The following DLG2 variants were observed in gnomAD, a reference collection of about 807,000 sequenced individuals.
The protein encoded by DLG2 is disks large homolog 2.
In DLG2, 45 loss-of-function variants were observed where a neutral mutation model predicts 132.5. That is an observed-to-expected ratio of 0.34 (90% confidence interval 0.27 to 0.44). DLG2 has a LOEUF of 0.44. Ranked by LOEUF, DLG2 falls within the 20% of genes least tolerant of loss-of-function variation. The pLI, the probability that DLG2 is intolerant of heterozygous loss-of-function variation, is 1.00. For synonymous variants in DLG2, 424 were observed against 419.6 expected (o/e 1.01, Z -0.13); for missense variants, 1,045 against 1,196.9 (o/e 0.87, Z 1.87).
At chr11:84,519,950 G>A (rs530201085) in intron 7 of DLG2, among the ~76,000 whole-genome samples, 1 of 152,182 alleles carries the variant, frequency 6.6e-6, no homozygotes, top group East Asian at 1.9e-4. Flanking sequence ...CTAGGGAAAG[G>A]GGTCATAGTT....
chr11:85,509,029 A>T (rs76884356), intron 3 of DLG2, among the ~76,000 whole-genome samples: 5,389 of 152,130 alleles, frequency 0.035, 144 homozygotes, highest in Admixed American at 0.053. Context: ...AAATCACAAG[A>T]GTGAATATGG....
chr11:84,020,468 CAT>C (rs766942495), intron 11 of DLG2, among the ~76,000 whole-genome samples: 3 of 152,022 alleles, frequency 2.0e-5, no homozygotes, highest in African/African-American at 7.3e-5. Context: ...TATACACACA[CAT>C]GTAATATTTG....
At chr11:84,549,240 T>C (rs1218701493) in intron 6 of DLG2, among the ~76,000 whole-genome samples, 1 of 152,208 alleles carries the variant, frequency 6.6e-6, no homozygotes, top group African/African-American at 2.4e-5. Flanking sequence ...AAAGCAATGA[T>C]TTGGGAGCAA....
intron 2 of DLG2, among the ~76,000 whole-genome samples, chr11:85,603,833 T>C (rs1472707116): frequency 2.6e-5 from 4 of 152,136 alleles, no homozygotes; most frequent in South Asian, 2.1e-4. Context: ...GGGAGGATCA[T>C]TTAAGCCCAG....
At position 84,446,563 on chromosome 11, in the gene DLG2, A is replaced by ATT. The variant is rs61311812; in HGVS notation, c.519+88005_519+88006dup. ...CTAGCCCAAGAGCAGTTTCATATCA[A>ATT]TTTTTTTTTTTTTTGACTTGGAGCT... On this transcript the variant is annotated intron_variant, in intron 7 of 27. Coordinates refer to ENST00000376104, the MANE Select transcript of DLG2 (RefSeq NM_001142699.3). Among the ~76,000 whole-genome samples the ATT allele has an allele frequency of 3.3e-3, 486 of 145,212 alleles. 4 individuals are homozygous for ATT. Among genetic ancestry groups the ATT allele is most frequent in the Admixed American group, 6.8e-3 (99 of 14,462 alleles).
intron 6 of DLG2, among the ~76,000 whole-genome samples, chr11:84,820,089 A>G (rs566132415): frequency 6.6e-6 from 1 of 151,136 alleles, no homozygotes; most frequent in South Asian, 2.1e-4. Context: ...GAGATCCACA[A>G]GACAATGTAC....
At chr11:85,031,554 T>C (rs1298111270) in intron 6 of DLG2, among the ~76,000 whole-genome samples, 1 of 152,182 alleles carries the variant, frequency 6.6e-6, no homozygotes, top group Non-Finnish European at 1.5e-5. Context: ...CATAATAGTG[T>C]AGGAATCCCA....
chr11:84,828,259 A>G (rs1386442964), intron 6 of DLG2, among the ~76,000 whole-genome samples: 2 of 151,756 alleles, frequency 1.3e-5, no homozygotes, highest in Non-Finnish European at 2.9e-5. Context: ...TTTTACATCT[A>G]TATGTTCAGT....
chr11:84,005,936 A>G (rs1199870507), intron 11 of DLG2, among the ~76,000 whole-genome samples: 1 of 151,866 alleles, frequency 6.6e-6, no homozygotes, highest in Non-Finnish European at 1.5e-5. Context: ...TCAAGAAACT[A>G]AAAAAGAACT....
chr11:85,066,674 A>G, intron 6 of DLG2, among the ~76,000 whole-genome samples: 1 of 151,660 alleles, frequency 6.6e-6, no homozygotes. Context: ...CACATAAACA[A>G]AGTTAATAAA....
intron 20 of DLG2, among the ~76,000 whole-genome samples, chr11:83,536,503 G>A (rs1450709880): frequency 6.6e-6 from 1 of 151,512 alleles, no homozygotes; most frequent in Non-Finnish European, 1.5e-5. Context: ...TGGGATGCAT[G>A]TGAATGATTT....
At chr11:85,117,983 A>C (rs2073867026) in intron 5 of DLG2, among the ~76,000 whole-genome samples, 1 of 152,114 alleles carries the variant, frequency 6.6e-6, no homozygotes, top group Non-Finnish European at 1.5e-5. Flanking sequence ...CTATTATTAC[A>C]TCCCATGAGT....
intron 7 of DLG2, chr11:84,316,987 G>C (rs1471833932): frequency 6.2e-7 from 1 of 1,612,730 alleles, no homozygotes; most frequent in Non-Finnish European, 8.5e-7. Context: ...CTGGTCCTGA[G>C]GAGGGCATGG....
At chr11:84,353,509 C>G (rs2098594015) in intron 7 of DLG2, among the ~76,000 whole-genome samples, 1 of 152,128 alleles carries the variant, frequency 6.6e-6, no homozygotes, top group Admixed American at 6.6e-5. Context: ...TTAATTCACC[C>G]ACACCTCCAC....
intron 6 of DLG2, among the ~76,000 whole-genome samples, chr11:85,071,737 C>A (rs1165890674): frequency 6.6e-6 from 1 of 151,700 alleles, no homozygotes; most frequent in Admixed American, 6.6e-5. Context: ...AAGAAGCATG[C>A]CTTAAGGTCT....
chr11:83,635,222 CAA>C (rs2064481685), intron 18 of DLG2, among the ~76,000 whole-genome samples: 1 of 151,984 alleles, frequency 6.6e-6, no homozygotes, highest in Non-Finnish European at 1.5e-5. Context: ...GCTTGGGTGA[CAA>C]AGTGAGACCC....
At chr11:83,509,582 ATC>A (rs1456605376) in intron 21 of DLG2, among the ~76,000 whole-genome samples, 10 of 152,062 alleles carry the variant, frequency 6.6e-5, no homozygotes, top group Non-Finnish European at 1.3e-4. Flanking sequence ...ATGGTACTCC[ATC>A]TCTCAAGCCA....
intron 21 of DLG2, chr11:83,486,037 A>G: frequency 4.6e-6 from 2 of 431,054 alleles, no homozygotes; most frequent in Non-Finnish European, 8.2e-6. Flanking sequence ...GAAAAGAGGT[A>G]TCACTTCAGA....
chr11:84,710,224 A>G (rs1316728172), intron 6 of DLG2, among the ~76,000 whole-genome samples: 6 of 151,978 alleles, frequency 3.9e-5, no homozygotes, highest in Non-Finnish European at 7.4e-5. Flanking sequence ...TGTTTTTCCC[A>G]TGTACATTTC....
Sources: gnomAD v4.1 joint callset for allele counts (sites outside exome capture counted in the v4.1 genomes callset) on GRCh38, gnomAD v4.1.1 for gene constraint, MANE v1.5 for transcripts, NCBI Gene and HGNC (gene_info 2026-07-23, HGNC 2026-07-21) for gene names.